Variants in MPI observed in about 807,000 individuals in gnomAD.
MPI encodes the protein mannose phosphate isomerase, also known as mannose-6-phosphate isomerase.
A neutral mutation model predicts 40.1 loss-of-function variants in MPI; 33 were observed. The observed-to-expected ratio is 0.82, with a 90% CI of 0.62 to 1.10. The LOEUF (loss-of-function observed/expected upper bound fraction) is 1.10, where lower values mean the gene tolerates loss of function less well. MPI is among the 50% of genes least tolerant of loss of function. MPI has a pLI of 0.00. For missense variants in MPI, 514 were observed against 524.1 expected, an observed-to-expected ratio of 0.98 and a Z score of 0.19; for synonymous variants, 187 against 207.4, an observed-to-expected ratio of 0.90 and a Z score of 0.85.
Position 74,893,263 on chromosome 15 carries a change from G to T in MPI, c.613G>T (p.Glu205Ter). 6.2e-7 allele frequency: 1 copy of T among 1,614,234 alleles called. No individual in the cohort carries two copies. Among genetic ancestry groups the T allele is most frequent in the Non-Finnish European group, 8.5e-7 (1 of 1,180,042 alleles). ...QSCFSHLMKS[E>*]KKVVVEQLNL... ...CTGTTTCTCCCACCTGATGAAGAGT[G>T]AGAAGAAGGTGGTGGTGGAACAGCT... Residue 205 changes from glutamate to a stop codon, truncating the protein, a stop_gained, in exon 5 of 8, where the codon GAG becomes TAG. Coordinates refer to ENST00000352410, the MANE Select transcript of MPI (RefSeq NM_002435.3). LOFTEE classifies it high-confidence loss of function.
rs80226376 is a variant in MPI, at chr15:74,897,859, G to T, written c.*129G>T. 15 of 900,150 alleles carry T rather than the reference G, an allele frequency of 1.7e-5. No individual in the cohort carries two copies. The highest frequency in any genetic ancestry group is 9.9e-5 in the African/African-American group (6 of 60,814). The allele number at this position is 900,150 out of a possible 1,614,324, so 55.8% of individuals were successfully genotyped here. A position where few individuals can be genotyped will look rare whatever the true frequency, so the allele number is the denominator to read the frequency against. Reference sequence around the variant, plus strand: ...AGGTATACCCTGGAAGAGCTGGGGTGGGGGAGGAGGGAGCGTGAAGGTAGT... The same window carrying T: ...AGGTATACCCTGGAAGAGCTGGGGTTGGGGAGGAGGGAGCGTGAAGGTAGT... On this transcript the variant is annotated 3_prime_UTR_variant, in exon 8 of 8. Transcript: ENST00000352410.
At chr15:74,890,859 C>T (rs1256397905) in intron 2 of MPI, 2 of 690,630 alleles carry the variant, frequency 2.9e-6, no homozygotes, top group Non-Finnish European at 5.1e-6. Context: ...ACTCTCCTTC[C>T]CCCAACCACT....
chr15:74,894,093 TGTGTG>T (rs879338324), intron 5 of MPI, among the ~76,000 whole-genome samples: 4,079 of 54,060 alleles, frequency 0.075, 641 homozygotes, highest in East Asian at 0.28. Context: ...TGTGTGTGTG[TGTGTG>T]TGTGTGTGTG....
At chr15:74,895,012 G>C (rs1263882826) in intron 5 of MPI, among the ~76,000 whole-genome samples, 3 of 150,242 alleles carry the variant, frequency 2.0e-5, no homozygotes, top group Non-Finnish European at 1.5e-5. Flanking sequence ...TGTCACCCAG[G>C]CTGGAGTGCA....
Position 74,897,214 on chromosome 15 carries a change from A to G in MPI, c.1048A>G (p.Thr350Ala). Residue 350 changes from threonine (T) to alanine (A), a missense_variant, in exon 7 of 8, where the codon ACG becomes GCG. Transcript: ENST00000352410. Reference sequence around the variant, plus strand: ...TGTACCAGACTTCACCATTATGAAGACGGAGGTGAGTGAGGGGCTATGATG... The same window carrying G: ...TGTACCAGACTTCACCATTATGAAGGCGGAGGTGAGTGAGGGGCTATGATG... ...PPVPDFTIMK[T>A]EVPGSVTEYK... 1 of 1,614,082 alleles carries G rather than the reference A, an allele frequency of 6.2e-7. No homozygotes were observed.
At chr15:74,890,416 C>T (rs1202568752) in intron 1 of MPI, 111 bp from the exon 2 acceptor site, 29 of 1,450,962 alleles carry the variant, frequency 2.0e-5, no homozygotes, top group Non-Finnish European at 2.7e-5. Flanking sequence ...CCTACAAAAC[C>T]CTTATTTGAC....
rs1367891758 is a variant in MPI at position 74,899,966 on chromosome 15, C to T, written c.*2236C>T. On this transcript the variant is annotated 3_prime_UTR_variant, in exon 8 of 8. Coordinates refer to ENST00000352410, the MANE Select transcript of MPI (RefSeq NM_002435.3). ...TGTGCCTGGCCAAGGCCTTTAAAATCCACTGCAACACAGACACAGCTCAAC... is the reference window on the plus strand; with the variant it reads ...TGTGCCTGGCCAAGGCCTTTAAAATTCACTGCAACACAGACACAGCTCAAC... 2.6e-5 allele frequency: 4 copies of T among 152,224 alleles called. No individual in the cohort carries two copies. The highest frequency in any genetic ancestry group is 9.7e-5 in the African/African-American group (4 of 41,448). The allele number at this position is 152,224 out of a possible 1,614,324, so 9.4% of individuals were successfully genotyped here.
intron 5 of MPI, 51 bp from the exon 6 acceptor site, chr15:74,896,101 A>C: frequency 6.2e-7 from 1 of 1,608,542 alleles, no homozygotes; most frequent in Non-Finnish European, 8.5e-7. Flanking sequence ...GGGGCTATGA[A>C]CAGCACTGAG....
At position 74,890,061 on chromosome 15, in the gene MPI, G is replaced by T. The variant is rs757363977; in HGVS notation, c.-13G>T. On this transcript the variant is annotated 5_prime_UTR_variant, in exon 1 of 8. Transcript: ENST00000352410. Reference sequence around the variant, plus strand: ...AAAGGCATACGTGCTTAATCCTGGTGCAGGGGGCGAGCATGGCCGCTCCGC... The same window carrying T: ...AAAGGCATACGTGCTTAATCCTGGTTCAGGGGGCGAGCATGGCCGCTCCGC... 1.2e-6 allele frequency: 2 copies of T among 1,606,694 alleles called. No homozygotes were observed. The highest frequency in any genetic ancestry group is 1.7e-6 in the Non-Finnish European group (2 of 1,179,954).
At position 74,891,598 on chromosome 15, in the gene MPI, T is replaced by C. The variant is rs375277200; in HGVS notation, c.345+19T>C. On this transcript the variant is annotated intron_variant, in intron 3 of 7. Transcript: ENST00000352410. The stretch of plus-strand genomic sequence containing the variant: ...TAACAAGGTAAAGGACAGAGTGCGG[T>C]GCAGAGGTCAGGGTACAGAAGGGCT... 37 of 1,612,824 alleles carry C rather than the reference T, an allele frequency of 2.3e-5. No homozygotes were observed. The highest frequency in any genetic ancestry group is 2.6e-5 in the Non-Finnish European group (31 of 1,178,928).
Position 74,898,173 on chromosome 15 carries a change from C to T in MPI, c.*443C>T. ...GAAAGGGAAAGGGTAGGCCTGTAGA[C>T]TAACGCTGTTTACACCCTTGTTCTG... On this transcript the variant is annotated 3_prime_UTR_variant, in exon 8 of 8. Transcript: ENST00000352410. 3.0e-6 allele frequency: 1 copy of T among 328,950 alleles called. No homozygotes were observed. The highest frequency in any genetic ancestry group is 6.0e-6 in the Non-Finnish European group (1 of 165,896). The allele number at this position is 328,950 out of a possible 1,614,324, so 20.4% of individuals were successfully genotyped here.
chr15:74,897,629 C>T lies in MPI; in HGVS notation c.1171C>T (p.Gln391Ter). The T allele has an allele frequency of 6.2e-7, 1 of 1,614,200 alleles. No homozygotes were observed. Among genetic ancestry groups the T allele is most frequent in the African/African-American group, 1.3e-5 (1 of 75,052 alleles). The change falls in exon 8 of 8, where the codon CAA (glutamine) becomes TAA (stop). Residue 391 changes from glutamine (Q) to a stop codon, truncating the protein, a stop_gained. Transcript: ENST00000352410. LOFTEE classifies it high-confidence loss of function. Reference protein sequence around the residue: ...TPTTQTPIPLQRGGVLFIGAN... With the variant: ...TPTTQTPIPL ...CACAACCCAGACACCAATCCCTCTGCAACGTGGTGGCGTGCTCTTCATTGG... is the reference window on the plus strand; with the variant it reads ...CACAACCCAGACACCAATCCCTCTGTAACGTGGTGGCGTGCTCTTCATTGG...
At chr15:74,890,704 A>G (rs2064713373) in intron 2 of MPI, 50 bp downstream of exon 2, 10 of 1,607,780 alleles carry the variant, frequency 6.2e-6, no homozygotes, top group Middle Eastern at 1.6e-4. Flanking sequence ...GTCAGGAGAA[A>G]GGGCCTGAGG....
At chr15:74,890,293 C>CCTT (rs1172603697) in intron 1 of MPI, 1 of 853,784 alleles carries the variant, frequency 1.2e-6, no homozygotes, top group East Asian at 2.7e-5. Context: ...GGGATAGGTA[C>CCTT]CTTCTGCTCC....
Position 74,898,772 on chromosome 15 carries a change from C to G in MPI, c.*1042C>G, listed in dbSNP as rs1005143479. Reference sequence around the variant, plus strand: ...GCCAGGATGGTCTCGATCTTCTGACCTCGTGATCCGCCCACCTCAGCCTCC... The same window carrying G: ...GCCAGGATGGTCTCGATCTTCTGACGTCGTGATCCGCCCACCTCAGCCTCC... On this transcript the variant is annotated 3_prime_UTR_variant, in exon 8 of 8. Transcript: ENST00000352410. 2.6e-5 allele frequency: 4 copies of G among 152,294 alleles called. No homozygotes were observed. Among genetic ancestry groups the G allele is most frequent in the Non-Finnish European group, 4.4e-5 (3 of 68,158 alleles). 9.4% of individuals were successfully genotyped at this position (152,294 alleles called of 1,614,324 possible). A position where few individuals can be genotyped will look rare whatever the true frequency, so the allele number is the denominator to read the frequency against.
rs1197918486 is a variant in MPI, at chr15:74,901,318, A to C, written c.*3588A>C. 1.3e-5 allele frequency: 2 copies of C among 152,250 alleles called. No individual in the cohort carries two copies. The highest frequency in any genetic ancestry group is 4.8e-5 in the African/African-American group (2 of 41,436). 9.4% of individuals were successfully genotyped at this position (152,250 alleles called of 1,614,324 possible). A position where few individuals can be genotyped will look rare whatever the true frequency, so the allele number is the denominator to read the frequency against. On this transcript the variant is annotated 3_prime_UTR_variant, in exon 8 of 8. Coordinates refer to ENST00000352410, the MANE Select transcript of MPI (RefSeq NM_002435.3). ...GTTCTGAGTTAAGCCAAAAAACAAA[A>C]CAAAACCTGTTGGAAAAATTCTAGA...
At position 74,893,177 on chromosome 15, in the gene MPI, C is replaced by A. The variant is rs1256364766; in HGVS notation, c.527C>A (p.Ala176Glu). The change falls in exon 5 of 8, where the codon GCA becomes GAA. Residue 176 changes from alanine (A) to glutamate (E), a missense_variant. By Grantham distance (107) the Ala-to-Glu change is moderately radical (BLOSUM62 -1). Transcript: ENST00000352410. ...CAGTTCCTGATTGGAGATGAGGCAG[C>A]AACACACCTGAAGCAGACCATGAGC... ...EFQFLIGDEAATHLKQTMSHD... is the reference protein window; with the variant it reads ...EFQFLIGDEAETHLKQTMSHD... 4 of 1,614,036 alleles carry A rather than the reference C, an allele frequency of 2.5e-6. No individual in the cohort carries two copies. In the African/African-American group the frequency reaches 5.3e-5, roughly 22 times the overall value.
chr15:74,895,430 AAAT>A (rs2064804065), intron 5 of MPI: 1 of 151,754 alleles, frequency 6.6e-6, no homozygotes, highest in South Asian at 2.1e-4. Context: ...CTCTCTCTGC[AAAT>A]AATAAAAAAC....
intron 4 of MPI, 27 bp from the exon 5 acceptor site, chr15:74,893,111 T>G (rs746867212): frequency 3.7e-5 from 60 of 1,613,074 alleles, no homozygotes; most frequent in Non-Finnish European, 4.7e-5. Context: ...ATTCCTGATA[T>G]GGGCCCTGGG....
Sources: gnomAD v4.1 joint callset for allele counts (sites outside exome capture counted in the v4.1 genomes callset) on GRCh38, gnomAD v4.1.1 for gene constraint, MANE v1.5 for transcripts, NCBI Gene and HGNC (gene_info 2026-07-23, HGNC 2026-07-21) for gene names.